The following CSMD1 variants were observed in gnomAD, a reference collection of about 807,000 sequenced individuals.
The protein encoded by CSMD1 is CUB and sushi domain-containing protein 1.
In CSMD1, 213 loss-of-function variants were observed where a neutral mutation model predicts 417.5. The observed-to-expected ratio is 0.51, with a 90% CI of 0.46 to 0.57. The LOEUF is 0.57. Among genes scored for constraint, CSMD1 ranks in the 20% least tolerant of loss-of-function variants. The pLI, the probability that CSMD1 is intolerant of heterozygous loss-of-function variation, is 0.00. For missense variants in CSMD1, 6,923 were observed against 4,529.7 expected (o/e 1.53, Z -15.17); for synonymous variants, 2,862 against 1,736.8 (o/e 1.65, Z -16.11).
At chr8:3,569,885 G>A (rs1294005087) in intron 10 of CSMD1, among the ~76,000 whole-genome samples, 1 of 152,026 alleles carries the variant, frequency 6.6e-6, no homozygotes, top group Non-Finnish European at 1.5e-5. Flanking sequence ...TTTCTTCTCT[G>A]AACATTTCTC....
chr8:3,112,965 G>C (rs1292267804), intron 42 of CSMD1: 1 of 152,206 alleles, frequency 6.6e-6, no homozygotes, highest in African/African-American at 2.4e-5. Flanking sequence ...TCTACTTCCA[G>C]ACCGTCTTTA....
intron 5 of CSMD1, among the ~76,000 whole-genome samples, chr8:3,879,556 C>T (rs994760983): frequency 2.0e-5 from 3 of 152,168 alleles, no homozygotes; most frequent in Non-Finnish European, 2.9e-5. Flanking sequence ...CTTTGTCATT[C>T]TCTATTGATA....
intron 3 of CSMD1, among the ~76,000 whole-genome samples, chr8:4,051,763 G>C (rs978262612): frequency 6.6e-6 from 1 of 152,164 alleles, no homozygotes; most frequent in Non-Finnish European, 1.5e-5. Flanking sequence ...GCTGGTTTTG[G>C]TAGGGCTCCC....
chr8:4,040,836 C>T (rs927110267), intron 3 of CSMD1, among the ~76,000 whole-genome samples: 5 of 151,862 alleles, frequency 3.3e-5, no homozygotes, highest in African/African-American at 9.7e-5. Flanking sequence ...TTAGCAGCTC[C>T]GGACAATCGA....
intron 6 of CSMD1, among the ~76,000 whole-genome samples, chr8:3,725,386 G>A (rs777044987): frequency 2.6e-5 from 4 of 152,180 alleles, no homozygotes; most frequent in African/African-American, 9.6e-5. Flanking sequence ...GACCAGGATA[G>A]ACATCACTTG....
At chr8:4,237,812 C>T (rs564077330) in intron 3 of CSMD1, among the ~76,000 whole-genome samples, 3 of 152,162 alleles carry the variant, frequency 2.0e-5, no homozygotes, top group Non-Finnish European at 4.4e-5. Context: ...AGTACCTGGC[C>T]CAAAAATAAT....
intron 8 of CSMD1, among the ~76,000 whole-genome samples, chr8:3,590,034 T>C (rs1253659688): frequency 6.6e-6 from 1 of 152,114 alleles, no homozygotes; most frequent in African/African-American, 2.4e-5. Flanking sequence ...TTTTTGGATA[T>C]ATTTGAAAGA....
At chr8:4,914,512 A>G (rs1805920511) in intron 1 of CSMD1, among the ~76,000 whole-genome samples, 1 of 148,112 alleles carries the variant, frequency 6.8e-6, no homozygotes, top group East Asian at 2.1e-4. Context: ...TGGGATGCGG[A>G]GTTTGCAGTG....
At chr8:4,821,209 A>G (rs1799506034) in intron 1 of CSMD1, among the ~76,000 whole-genome samples, 1 of 152,208 alleles carries the variant, frequency 6.6e-6, no homozygotes, top group Non-Finnish European at 1.5e-5. Context: ...CACGTCATGG[A>G]AGGAAAAACA....
chr8:3,551,396 A>G (rs1027148246), intron 10 of CSMD1, among the ~76,000 whole-genome samples: 8 of 152,014 alleles, frequency 5.3e-5, no homozygotes, highest in Non-Finnish European at 8.8e-5. Context: ...GCAGGGGGTA[A>G]ATGCTTTAGG....
rs73178396 is a variant in CSMD1, at chr8:4,153,698, C to T, written c.416-121599G>A. On this transcript the variant is annotated intron_variant, in intron 3 of 69. Transcript: ENST00000635120. ...CCTGGAATTTCCGCTTCCATCAATC[C>T]GGCAGTCCCACAGATATAAGAACCC... 2.1e-3 allele frequency among the ~76,000 whole-genome samples: 323 copies of T among 152,320 alleles called. 4 individuals are homozygous for T. Among genetic ancestry groups the T allele is most frequent in the Middle Eastern group, 3.4e-3 (1 of 294 alleles).
At chr8:4,397,846 G>C (rs1352671318) in intron 3 of CSMD1, among the ~76,000 whole-genome samples, 2 of 152,018 alleles carry the variant, frequency 1.3e-5, no homozygotes, top group African/African-American at 4.8e-5. Flanking sequence ...GTAATGTCAG[G>C]ATACATCTTT....
At chr8:3,777,838 T>C (rs1798974981) in intron 5 of CSMD1, among the ~76,000 whole-genome samples, 1 of 149,892 alleles carries the variant, frequency 6.7e-6, no homozygotes, top group Non-Finnish European at 1.5e-5. Context: ...CGCAGCCTCC[T>C]TGAAGTGCAG....
At chr8:4,265,146 C>A (rs1239761803) in intron 3 of CSMD1, among the ~76,000 whole-genome samples, 1 of 151,972 alleles carries the variant, frequency 6.6e-6, no homozygotes, top group Non-Finnish European at 1.5e-5. Flanking sequence ...TTGACCTCGA[C>A]TATTATTAGT....
chr8:4,343,471 G>T (rs1489630213), intron 3 of CSMD1, among the ~76,000 whole-genome samples: 1 of 152,116 alleles, frequency 6.6e-6, no homozygotes, highest in Non-Finnish European at 1.5e-5. Context: ...TACTTAGCTT[G>T]ATCATGGTGA....
At chr8:3,055,571 G>T (rs1585240273) in intron 49 of CSMD1, among the ~76,000 whole-genome samples, 2 of 152,218 alleles carry the variant, frequency 1.3e-5, no homozygotes, top group South Asian at 4.1e-4. Flanking sequence ...GATTGCTATA[G>T]GATAGGCATC....
intron 3 of CSMD1, among the ~76,000 whole-genome samples, chr8:4,389,226 C>G (rs775266884): frequency 1.3e-5 from 2 of 152,154 alleles, no homozygotes; most frequent in Non-Finnish European, 2.9e-5. Context: ...TCTAGCAATA[C>G]TTTCTCTCCT....
At chr8:3,077,423 G>T (rs1008711953) in intron 49 of CSMD1, among the ~76,000 whole-genome samples, 10 of 152,180 alleles carry the variant, frequency 6.6e-5, no homozygotes, top group African/African-American at 2.4e-4. Context: ...AGCACACACT[G>T]TCTGCATCGA....
intron 1 of CSMD1, among the ~76,000 whole-genome samples, chr8:4,668,376 C>A (rs1805071760): frequency 6.6e-6 from 1 of 151,036 alleles, no homozygotes; most frequent in Admixed American, 6.6e-5. Context: ...TCTCTAGCCA[C>A]TGCCACACAC....
Sources: allele counts gnomAD v4.1 joint callset (sites outside exome capture counted in the v4.1 genomes callset), GRCh38; gene constraint gnomAD v4.1.1; transcripts MANE v1.5; gene names NCBI Gene and HGNC (gene_info 2026-07-23, HGNC 2026-07-21).